Variants in NELFB observed in about 807,000 individuals in gnomAD.
The protein encoded by NELFB is negative elongation factor complex member B, also known as negative elongation factor B.
A neutral mutation model predicts 60.2 loss-of-function variants in NELFB; 34 were observed. That is an observed-to-expected ratio of 0.56 (90% CI 0.43 to 0.75). The LOEUF (loss-of-function observed/expected upper bound fraction) is 0.75, where lower values mean the gene tolerates loss of function less well. Among genes scored for constraint, NELFB ranks in the 30% least tolerant of loss-of-function variants. NELFB has a pLI of 0.00. For missense variants in NELFB, 770 were observed against 831.6 expected, an observed-to-expected ratio of 0.93 and a Z score of 0.91; for synonymous variants, 459 against 382.1, an observed-to-expected ratio of 1.20 and a Z score of -2.35.
At position 137,255,351 on chromosome 9, in the gene NELFB, C is replaced by T. The variant is rs1006084403; in HGVS notation, c.-15C>T. The T allele has an allele frequency of 3.9e-4, 163 of 413,004 alleles. No homozygotes were observed. Among genetic ancestry groups the T allele is most frequent in the Non-Finnish European group, 5.6e-4 (142 of 255,656 alleles). The allele number at this position is 413,004 out of a possible 1,614,324, so 25.6% of individuals were successfully genotyped here. ...CGGCTGCGGGACGCGCGCGGAGTCG[C>T]GCGGCGGGCGGGACCTGGCCGAGCT... is the stretch of plus-strand genomic sequence containing the variant. On this transcript the variant is annotated 5_prime_UTR_variant, in exon 1 of 13. Transcript: ENST00000343053.
chr9:137,272,719 C>G, intron 12 of NELFB, 63 bp from the exon 13 acceptor site: 1 of 1,518,422 alleles, frequency 6.6e-7, no homozygotes, highest in Non-Finnish European at 8.9e-7. Flanking sequence ...GGTGGGCACC[C>G]ACCCCTGTGC....
At position 137,272,080 on chromosome 9, in the gene NELFB, G is replaced by T. The variant is rs953742062; in HGVS notation, c.1490-1G>T. The T allele has an allele frequency of 6.2e-7, 1 of 1,614,200 alleles. No homozygotes were observed. Among genetic ancestry groups the T allele is most frequent in the Non-Finnish European group, 8.5e-7 (1 of 1,180,026 alleles). On this transcript the variant is annotated splice_acceptor_variant, in intron 10 of 12. Transcript: ENST00000343053. LOFTEE classifies it high-confidence loss of function. ...TGGGCTGATGCCTGCTGTGTCTGCA[G>T]TGGAGACCTTTGGCGACTTGGCCTT...
chr9:137,272,955 G>T lies in NELFB; in HGVS notation c.*27G>T. 1.3e-6 allele frequency: 2 copies of T among 1,485,210 alleles called. No individual in the cohort carries two copies. Among genetic ancestry groups the T allele is most frequent in the African/African-American group, 2.8e-5 (2 of 71,084 alleles). 92.0% of individuals were successfully genotyped at this position (1,485,210 alleles called of 1,614,324 possible). ...GGCCCTCCAGACCTGCTCGGGTGCT[G>T]GGGCCATGCCGAGTCGCGGCCCTGC... On this transcript the variant is annotated 3_prime_UTR_variant, in exon 13 of 13. Transcript: ENST00000343053.
At chr9:137,258,564 T>C (rs1837594022) in intron 4 of NELFB, among the ~76,000 whole-genome samples, 1 of 151,382 alleles carries the variant, frequency 6.6e-6, no homozygotes, top group Admixed American at 6.6e-5. Flanking sequence ...TTCTCCTGCC[T>C]CGGCCTCTCG....
rs1310384550 is a variant in NELFB, at chr9:137,255,629, G to A, written c.246+18G>A. On this transcript the variant is annotated intron_variant, in intron 1 of 12. Coordinates refer to ENST00000343053, the MANE Select transcript of NELFB (RefSeq NM_015456.5). ...AGTTCCAGGTGGGGCGGCCCCCGGG[G>A]CGGGGGGAGCCCAGTTGGAGGGCCG... 2 of 1,540,398 alleles carry A rather than the reference G, an allele frequency of 1.3e-6. No individual in the cohort carries two copies. The highest frequency in any genetic ancestry group is 2.8e-5 in the African/African-American group (2 of 72,634).
chr9:137,273,287 G>C lies in NELFB; in HGVS notation c.*359G>C, dbSNP rs1415812578. The C allele has an allele frequency of 4.4e-6, 1 of 226,046 alleles. No individual in the cohort carries two copies. The highest frequency in any genetic ancestry group is 2.3e-5 in the African/African-American group (1 of 43,652). The allele number at this position is 226,046 out of a possible 1,614,324, so 14.0% of individuals were successfully genotyped here. A position where few individuals can be genotyped will look rare whatever the true frequency, so the allele number is the denominator to read the frequency against. On this transcript the variant is annotated 3_prime_UTR_variant, in exon 13 of 13. Transcript: ENST00000343053. ...ATTGGCCCAGCTTGGCGAAAGCGAGGCACACTGCTTACTGCCTTGGGGTTG... is the reference window on the plus strand; with the variant it reads ...ATTGGCCCAGCTTGGCGAAAGCGAGCCACACTGCTTACTGCCTTGGGGTTG...
intron 11 of NELFB, 53 bp from the exon 12 acceptor site, chr9:137,272,454 T>C: frequency 6.5e-7 from 1 of 1,549,234 alleles, no homozygotes; most frequent in Non-Finnish European, 8.8e-7. Context: ...GGGCTGGGCC[T>C]GGGCAGACAG....
At chr9:137,266,823 G>A (rs1389375374) in intron 8 of NELFB, 121 bp from the exon 9 acceptor site, 2 of 1,194,740 alleles carry the variant, frequency 1.7e-6, no homozygotes, top group East Asian at 4.8e-5. Flanking sequence ...ACCTGGAGAG[G>A]AGGGAGGGTC....
intron 4 of NELFB, among the ~76,000 whole-genome samples, chr9:137,261,129 T>C (rs1303800633): frequency 6.9e-6 from 1 of 143,992 alleles, no homozygotes; most frequent in African/African-American, 2.6e-5. Context: ...GATCATGAGG[T>C]CAGGAGATCG....
intron 4 of NELFB, among the ~76,000 whole-genome samples, chr9:137,261,143 C>G (rs1489309222): frequency 2.0e-5 from 3 of 147,598 alleles, no homozygotes; most frequent in Non-Finnish European, 4.5e-5. Context: ...GAGATCGAGA[C>G]CATCCTGGCT....
At chr9:137,265,031 CTT>C (rs60479210) in intron 6 of NELFB, among the ~76,000 whole-genome samples, 24 of 126,170 alleles carry the variant, frequency 1.9e-4, no homozygotes, top group African/African-American at 5.5e-4. Context: ...TTTTTTCTTC[CTT>C]TTTTTTTTTT....
chr9:137,255,664 C>T, intron 1 of NELFB, 53 bp downstream of exon 1: 1 of 1,507,772 alleles, frequency 6.6e-7, no homozygotes, highest in Non-Finnish European at 8.9e-7. Context: ...GGGCCGCCTG[C>T]TCGGGAGTCG....
At chr9:137,272,477 C>G (rs752712189) in intron 11 of NELFB, 30 bp from the exon 12 acceptor site, 2 of 1,592,322 alleles carry the variant, frequency 1.3e-6, no homozygotes, top group Non-Finnish European at 8.6e-7. Context: ...GGGCCTGCCT[C>G]CTGCCCCAGC....
At chr9:137,272,477 C>T (rs752712189) in intron 11 of NELFB, 30 bp from the exon 12 acceptor site, 2 of 1,592,440 alleles carry the variant, frequency 1.3e-6, no homozygotes, top group South Asian at 1.1e-5. Flanking sequence ...GGGCCTGCCT[C>T]CTGCCCCAGC....
chr9:137,257,274 A>G (rs1159856136), intron 4 of NELFB, among the ~76,000 whole-genome samples: 4 of 152,254 alleles, frequency 2.6e-5, no homozygotes, highest in Non-Finnish European at 4.4e-5. Flanking sequence ...ATATATGGAC[A>G]ACATTTAAAA....
chr9:137,264,316 G>A lies in NELFB; in HGVS notation c.999G>A (p.Gly333=). The A allele has an allele frequency of 1.2e-6, 2 of 1,602,558 alleles. No homozygotes were observed. The highest frequency in any genetic ancestry group is 1.7e-6 in the Non-Finnish European group (2 of 1,175,820). ...GCAAGAGGGCGCGGGAGCTGCAGGG[G>A]TTTCTCGATGGCGTCAAGAAGGGCC... The change falls in exon 6 of 13, where the codon GGG becomes GGA. Residue 333 remains glycine, a synonymous_variant. Coordinates refer to ENST00000343053, the MANE Select transcript of NELFB (RefSeq NM_015456.5).
At chr9:137,272,341 C>G in intron 11 of NELFB, 119 bp downstream of exon 11, 1 of 1,513,690 alleles carries the variant, frequency 6.6e-7, no homozygotes, top group Non-Finnish European at 9.0e-7. Context: ...GTCTGTTGGG[C>G]ACCAGGGCTC....
rs199828573 is a variant in NELFB, at chr9:137,267,285, C to T, written c.1428C>T (p.Tyr476=). 4.5e-5 allele frequency: 73 copies of T among 1,613,560 alleles called. No individual in the cohort carries two copies. The Admixed American group carries it at 8.3e-4, about 18-fold the overall frequency. The change falls in exon 10 of 13, where the codon TAC becomes TAT. Residue 476 remains tyrosine (Y), a synonymous_variant. Coordinates refer to ENST00000343053, the MANE Select transcript of NELFB (RefSeq NM_015456.5). Reference sequence around the variant, plus strand: ...TGGCCTGCGAGGTGGGGCTGTACTACGTCCTGCACATCACCAAGCAGAGGA... The same window carrying T: ...TGGCCTGCGAGGTGGGGCTGTACTATGTCCTGCACATCACCAAGCAGAGGA...
chr9:137,266,899 G>A (rs1225391216), intron 8 of NELFB, 45 bp from the exon 9 acceptor site: 1 of 1,575,274 alleles, frequency 6.3e-7, no homozygotes, highest in East Asian at 2.3e-5. Context: ...GTGGGGTGGG[G>A]CAGGGCCCGG....
Sources: gnomAD v4.1 joint callset for allele counts (sites outside exome capture counted in the v4.1 genomes callset) on GRCh38, gnomAD v4.1.1 for gene constraint, MANE v1.5 for transcripts, NCBI Gene and HGNC (gene_info 2026-07-23, HGNC 2026-07-21) for gene names.